The following TTC28 variants were observed in gnomAD, a reference collection of about 807,000 sequenced individuals.
TTC28 encodes tetratricopeptide repeat domain 28, also known as tetratricopeptide repeat protein 28.
In TTC28, 61 loss-of-function variants were observed where a neutral mutation model predicts 198.0. The observed-to-expected ratio is 0.31, with a 90% confidence interval of 0.25 to 0.38. The LOEUF (loss-of-function observed/expected upper bound fraction) is 0.38. Ranked by LOEUF, TTC28 falls within the 10% of genes least tolerant of loss-of-function variation. TTC28 has a pLI of 1.00. For synonymous variants in TTC28, 1,171 were observed against 1,297.8 expected (o/e 0.90, Z 2.10); for missense variants, 2,678 against 3,164.0 (o/e 0.85, Z 3.69).
intron 5 of TTC28, among the ~76,000 whole-genome samples, chr22:28,282,816 G>C (rs1446907183): frequency 2.0e-5 from 3 of 152,150 alleles, no homozygotes; most frequent in African/African-American, 7.2e-5. Flanking sequence ...TAGATGGAGT[G>C]ATGATAAAGT....
At chr22:28,499,762 C>T (rs987314317) in intron 2 of TTC28, among the ~76,000 whole-genome samples, 10 of 152,020 alleles carry the variant, frequency 6.6e-5, no homozygotes, top group Non-Finnish European at 1.3e-4. Context: ...GAGTAAACTC[C>T]AACACTATAA....
chr22:28,361,794 G>A (rs2046163123), intron 2 of TTC28, among the ~76,000 whole-genome samples: 1 of 152,198 alleles, frequency 6.6e-6, no homozygotes, highest in South Asian at 2.1e-4. Flanking sequence ...TAATGCCACT[G>A]ATGACTTTAA....
intron 18 of TTC28, chr22:27,993,060 G>A: frequency 1.7e-6 from 1 of 585,126 alleles, no homozygotes; most frequent in Non-Finnish European, 3.0e-6. Flanking sequence ...GGCAGCGCCA[G>A]TGGGGCGCAG....
Position 27,978,031 on chromosome 22 carries a change from C to G in TTC28, c.*4190G>C, listed in dbSNP as rs189254166. ...TACAGCACTTAAAACTGAGGGAACTCATGCTTTAATAGACACTGAAAATCA... is the reference window on the plus strand; with the variant it reads ...TACAGCACTTAAAACTGAGGGAACTGATGCTTTAATAGACACTGAAAATCA... On this transcript the variant is annotated 3_prime_UTR_variant, in exon 23 of 23. Transcript: ENST00000397906. 3 of 152,278 alleles carry G rather than the reference C, an allele frequency of 2.0e-5. No individual in the cohort carries two copies. Among genetic ancestry groups the G allele is most frequent in the African/African-American group, 7.2e-5 (3 of 41,540 alleles). 9.4% of individuals were successfully genotyped at this position (152,278 alleles called of 1,614,324 possible).
intron 2 of TTC28, among the ~76,000 whole-genome samples, chr22:28,363,825 T>C (rs907664651): frequency 6.6e-6 from 1 of 152,186 alleles, no homozygotes; most frequent in Non-Finnish European, 1.5e-5. Flanking sequence ...CTGTACCCCA[T>C]TTGTTCTGGC....
At chr22:28,629,377 A>T (rs2051133044) in intron 2 of TTC28, 175 bp downstream of exon 2, 1 of 623,356 alleles carries the variant, frequency 1.6e-6, no homozygotes. Flanking sequence ...GCTACAAAAA[A>T]ACAAAGGAAG....
chr22:28,514,101 C>T (rs1238232688), intron 2 of TTC28, among the ~76,000 whole-genome samples: 1 of 152,120 alleles, frequency 6.6e-6, no homozygotes, highest in African/African-American at 2.4e-5. Context: ...TAACTGGCTA[C>T]TTCACCTTTT....
At chr22:28,660,201 T>C (rs770404612) in intron 1 of TTC28, among the ~76,000 whole-genome samples, 89 of 152,210 alleles carry the variant, frequency 5.8e-4, no homozygotes, top group Non-Finnish European at 1.1e-3. Context: ...CAACTTATAG[T>C]ACTAACACAT....
At chr22:28,360,334 T>TAGAA (rs1024068135) in intron 2 of TTC28, among the ~76,000 whole-genome samples, 9 of 152,176 alleles carry the variant, frequency 5.9e-5, no homozygotes, top group African/African-American at 2.2e-4. Context: ...GGATCCTGGG[T>TAGAA]AGAACACTGT....
At chr22:28,385,145 A>G (rs1253016195) in intron 2 of TTC28, among the ~76,000 whole-genome samples, 1 of 151,660 alleles carries the variant, frequency 6.6e-6, no homozygotes, top group Non-Finnish European at 1.5e-5. Context: ...CCGTCAAAAA[A>G]AAAAAAAAAA....
intron 5 of TTC28, among the ~76,000 whole-genome samples, chr22:28,292,089 ATTAG>A (rs775691387): frequency 1.2e-4 from 18 of 152,032 alleles, no homozygotes; most frequent in Non-Finnish European, 2.4e-4. Context: ...ATAATTAATA[ATTAG>A]TTATTTTCAT....
intron 21 of TTC28, among the ~76,000 whole-genome samples, chr22:27,988,618 G>A (rs562199683): frequency 1.4e-4 from 21 of 152,132 alleles, no homozygotes; most frequent in African/African-American, 4.6e-4. Context: ...ATTCTCTGTC[G>A]GGCCATGTCT....
chr22:28,164,588 CTGTT>C (rs1451906629), intron 5 of TTC28, among the ~76,000 whole-genome samples: 5 of 152,176 alleles, frequency 3.3e-5, no homozygotes, highest in Non-Finnish European at 7.4e-5. Context: ...AGGGTCCTGA[CTGTT>C]AGAAGGAAAA....
chr22:28,402,641 A>G (rs1311058419), intron 2 of TTC28, among the ~76,000 whole-genome samples: 1 of 152,218 alleles, frequency 6.6e-6, no homozygotes, highest in Non-Finnish European at 1.5e-5. Flanking sequence ...ATCCAGTTTC[A>G]AACCTCAGAT....
chr22:28,495,676 T>C (rs1568979408), intron 2 of TTC28, among the ~76,000 whole-genome samples: 1 of 152,152 alleles, frequency 6.6e-6, no homozygotes, highest in Non-Finnish European at 1.5e-5. Context: ...AATGAAGATC[T>C]CAGGACAATA....
At chr22:28,587,595 C>T (rs1041035898) in intron 2 of TTC28, among the ~76,000 whole-genome samples, 11 of 151,794 alleles carry the variant, frequency 7.2e-5, no homozygotes, top group Non-Finnish European at 1.6e-4. Flanking sequence ...TATAGTCGTA[C>T]ACCACCACGC....
Position 28,107,453 on chromosome 22 carries a change from C to G in TTC28, c.2392G>C (p.Gly798Arg), listed in dbSNP as rs1942342260. Residue 798 changes from glycine to arginine, a missense_variant, in exon 7 of 23, where the codon GGG (glycine) becomes CGG (arginine). Gly to Arg is a moderately radical substitution (Grantham distance 125, BLOSUM62 -2). This residue lies in a region of TTC28 where 775 missense variants were observed against 845.9 expected (regional missense o/e 0.92). Transcript: ENST00000397906. Reference sequence around the variant, plus strand: ...GCCATGTAGACAGCAGCCAGGTGCCCATGAGCTCTGCACTCCCCTGGCAAG... The same window carrying G: ...GCCATGTAGACAGCAGCCAGGTGCCGATGAGCTCTGCACTCCCCTGGCAAG... ...SDLPGECRAH[G>R]HLAAVYMALG... The G allele has an allele frequency of 6.4e-7, 1 of 1,551,736 alleles. No homozygotes were observed. The highest frequency in any genetic ancestry group is 8.7e-7 in the Non-Finnish European group (1 of 1,147,012).
chr22:28,100,782 T>C (rs980971213), intron 9 of TTC28, among the ~76,000 whole-genome samples: 1 of 152,170 alleles, frequency 6.6e-6, no homozygotes, highest in African/African-American at 2.4e-5. Context: ...CTTCAACTAC[T>C]TGCATATATG....
chr22:28,670,184 C>G (rs1354077819), intron 1 of TTC28, among the ~76,000 whole-genome samples: 1 of 151,970 alleles, frequency 6.6e-6, no homozygotes, highest in Non-Finnish European at 1.5e-5. Flanking sequence ...TTCTACACCT[C>G]TAATGAAATA....
Sources: allele counts gnomAD v4.1 joint callset (sites outside exome capture counted in the v4.1 genomes callset), GRCh38; gene constraint gnomAD v4.1.1; regional missense constraint gnomAD v4.1.1; transcripts MANE v1.5; gene names NCBI Gene and HGNC (gene_info 2026-07-23, HGNC 2026-07-21).